Variants in MEGF10 observed in about 807,000 individuals in gnomAD.
MEGF10 encodes multiple EGF like domains 10, also known as multiple epidermal growth factor-like domains protein 10.
A neutral mutation model predicts 147.5 loss-of-function variants in MEGF10; 86 were observed. The observed-to-expected ratio is 0.58, with a 90% CI of 0.49 to 0.70. The LOEUF is 0.70. Ranked by LOEUF, MEGF10 falls within the 30% of genes least tolerant of loss-of-function variation. The pLI is 0.00. For synonymous variants in MEGF10, 478 were observed against 525.5 expected, an observed-to-expected ratio of 0.91 and a Z score of 1.24; for missense variants, 1,329 against 1,487.3, an observed-to-expected ratio of 0.89 and a Z score of 1.75.
intron 13 of MEGF10, among the ~76,000 whole-genome samples, chr5:127,430,725 GC>G (rs1244011351): frequency 3.9e-5 from 6 of 152,138 alleles, no homozygotes. Context: ...AGAGGGTACA[GC>G]AAGAGGAGGA....
At chr5:127,254,451 A>C in the MEGF10 span, among the ~76,000 whole-genome samples, 1 of 152,182 alleles carries the variant, frequency 6.6e-6, no homozygotes, top group African/African-American at 2.4e-5. Flanking sequence ...GACAAATATT[A>C]ATACTTTTCA....
intron 18 of MEGF10, among the ~76,000 whole-genome samples, chr5:127,441,598 A>G (rs1765759321): frequency 6.6e-6 from 1 of 152,152 alleles, no homozygotes; most frequent in Non-Finnish European, 1.5e-5. Context: ...ACTTTCTTTC[A>G]GTATTCACGA....
At chr5:127,347,627 T>C (rs1761937777) in intron 4 of MEGF10, among the ~76,000 whole-genome samples, 1 of 152,060 alleles carries the variant, frequency 6.6e-6, no homozygotes, top group Non-Finnish European at 1.5e-5. Flanking sequence ...TAACCATCAT[T>C]TGACTGTAAA....
At chr5:127,300,362 T>C (rs567425956) in intron 1 of MEGF10, among the ~76,000 whole-genome samples, 95 of 152,290 alleles carry the variant, frequency 6.2e-4, no homozygotes, top group Non-Finnish European at 1.1e-3. Context: ...TTTTTAAAAA[T>C]AGGAAAGTTA....
At chr5:127,336,828 T>C (rs933064677) in intron 2 of MEGF10, among the ~76,000 whole-genome samples, 1 of 152,114 alleles carries the variant, frequency 6.6e-6, no homozygotes, top group African/African-American at 2.4e-5. Flanking sequence ...TTTGTTCTTA[T>C]AGCATATGTG....
At chr5:127,330,867 G>T in intron 1 of MEGF10, among the ~76,000 whole-genome samples, 1 of 152,236 alleles carries the variant, frequency 6.6e-6, no homozygotes, top group Middle Eastern at 3.4e-3. Flanking sequence ...CTCTTGATTC[G>T]ATGGAGCTTC....
rs149321383 is a variant in MEGF10 at position 127,377,788 on chromosome 5, G to A, written c.412+7786G>A. On this transcript the variant is annotated intron_variant, in intron 5 of 24. Transcript: ENST00000503335. The stretch of plus-strand genomic sequence containing the variant: ...GTGGGATCGATGCTGTCTGCGGAGA[G>A]TAGACGCTGGGAGCCCAGTCCTCGC... Among the ~76,000 whole-genome samples the A allele has an allele frequency of 6.6e-5, 10 of 152,356 alleles. No homozygotes were observed. The East Asian group carries it at 1.9e-3, about 29-fold the overall frequency.
At chr5:127,372,223 T>A (rs1451342838) in intron 5 of MEGF10, among the ~76,000 whole-genome samples, 1 of 152,246 alleles carries the variant, frequency 6.6e-6, no homozygotes, top group Non-Finnish European at 1.5e-5. Flanking sequence ...ATTGCTTTGA[T>A]AATTAGACTG....
At chr5:127,240,338 G>A in the MEGF10 span, among the ~76,000 whole-genome samples, 1 of 152,204 alleles carries the variant, frequency 6.6e-6, no homozygotes, top group Non-Finnish European at 1.5e-5. Flanking sequence ...ATCCTAGTTG[G>A]AATTATAATT....
At chr5:127,388,208 G>A (rs6888010) in intron 5 of MEGF10, among the ~76,000 whole-genome samples, 27,431 of 151,994 alleles carry the variant, frequency 0.18, 2,631 homozygotes, top group African/African-American at 0.25. Flanking sequence ...GAGAGCAGTG[G>A]CACCATCTCA....
chr5:127,232,652 A>G, the MEGF10 span, among the ~76,000 whole-genome samples: 7 of 152,170 alleles, frequency 4.6e-5, no homozygotes, highest in Non-Finnish European at 8.8e-5. Context: ...CAAGAGAAGT[A>G]CAAAACTTGG....
intron 4 of MEGF10, among the ~76,000 whole-genome samples, chr5:127,350,582 A>T (rs2126819137): frequency 6.6e-6 from 1 of 152,022 alleles, no homozygotes; most frequent in Non-Finnish European, 1.5e-5. Flanking sequence ...AGACTGAAGG[A>T]TGAGTAAATC....
intron 3 of MEGF10, 31 bp from the exon 4 acceptor site, chr5:127,340,499 T>C: frequency 2.6e-6 from 4 of 1,566,866 alleles, no homozygotes; most frequent in Non-Finnish European, 3.5e-6. Flanking sequence ...ACTTTTATTA[T>C]GTTTAATAGC....
chr5:127,320,664 T>G (rs1300041634), intron 1 of MEGF10, among the ~76,000 whole-genome samples: 1 of 152,226 alleles, frequency 6.6e-6, no homozygotes, highest in African/African-American at 2.4e-5. Context: ...CAAATGCAGC[T>G]TTGAATACTG....
chr5:127,448,930 C>T (rs1766050407), intron 21 of MEGF10, among the ~76,000 whole-genome samples, 169 bp from the exon 22 acceptor site: 1 of 151,988 alleles, frequency 6.6e-6, no homozygotes, highest in Admixed American at 6.6e-5. Context: ...GAACTCCTGC[C>T]AGCTTGCAAG....
At chr5:127,316,457 T>C (rs571077005) in intron 1 of MEGF10, among the ~76,000 whole-genome samples, 1 of 152,340 alleles carries the variant, frequency 6.6e-6, no homozygotes, top group South Asian at 2.1e-4. Flanking sequence ...ACATATTTTT[T>C]ATCTCTAATT....
chr5:127,376,265 T>C (rs1243421816), intron 5 of MEGF10, among the ~76,000 whole-genome samples: 2 of 152,216 alleles, frequency 1.3e-5, no homozygotes, highest in Non-Finnish European at 2.9e-5. Context: ...TTTGTTTTCA[T>C]GCCTTTGTCT....
chr5:127,314,062 A>G (rs1760416570), intron 1 of MEGF10, among the ~76,000 whole-genome samples: 1 of 152,122 alleles, frequency 6.6e-6, no homozygotes, highest in South Asian at 2.1e-4. Flanking sequence ...TCCTGGCGGA[A>G]TAGGTCACTT....
rs193011200 is a variant in MEGF10 at position 127,389,359 on chromosome 5, T to C, written c.413-7173T>C. 2.3e-3 allele frequency among the ~76,000 whole-genome samples: 348 copies of C among 152,176 alleles called. 2 individuals carry two copies. Among genetic ancestry groups the C allele is most frequent in the Middle Eastern group, 0.01 (3 of 294 alleles). On this transcript the variant is annotated intron_variant, in intron 5 of 24. Coordinates refer to ENST00000503335, the MANE Select transcript of MEGF10 (RefSeq NM_001256545.2). ...TAGTTCAATTATTGTGAAAACAGTG[T>C]GGTGATTCCTCAAAGAGCTGAAAGC...
Sources: gnomAD v4.1 joint callset for allele counts (sites outside exome capture counted in the v4.1 genomes callset) on GRCh38, gnomAD v4.1.1 for gene constraint, MANE v1.5 for transcripts, NCBI Gene and HGNC (gene_info 2026-07-23, HGNC 2026-07-21) for gene names.